The following KCNIP4 variants were observed in gnomAD, a reference collection of about 807,000 sequenced individuals.
KCNIP4 encodes the protein potassium voltage-gated channel interacting protein 4.
KCNIP4 carries 12 observed loss-of-function variants against 34.0 expected under a neutral mutation model. The ratio of observed to expected loss-of-function variants is 0.35; its 90% CI spans 0.23 to 0.57. KCNIP4 has a LOEUF of 0.57. Ranked by LOEUF, KCNIP4 falls within the 20% of genes least tolerant of loss-of-function variation. The pLI, the probability that KCNIP4 is intolerant of heterozygous loss-of-function variation, is 0.83. For missense variants in KCNIP4, 238 were observed against 311.7 expected (o/e 0.76, Z 1.78); for synonymous variants, 124 against 102.2 (o/e 1.21, Z -1.29).
At chr4:21,069,500 A>C (rs556578503) in intron 1 of KCNIP4, among the ~76,000 whole-genome samples, 1 of 152,200 alleles carries the variant, frequency 6.6e-6, no homozygotes, top group Non-Finnish European at 1.5e-5. Context: ...TCATGGGGCC[A>C]GTGTGTTGTC....
rs1577914122 is a variant in KCNIP4 at position 21,731,324 on chromosome 4, A to G, written c.61+217247T>C. 2.0e-5 allele frequency among the ~76,000 whole-genome samples: 3 copies of G among 152,166 alleles called. No individual in the cohort carries two copies. In the South Asian group the frequency reaches 6.2e-4, roughly 32 times the overall value. ...GAGAGAGAGTGAGAGAGCTATACAC[A>G]AACGATATAGCAGATTTCTCTCACA... is the stretch of plus-strand genomic sequence containing the variant. On this transcript the variant is annotated intron_variant, in intron 1 of 8. Transcript: ENST00000382152.
chr4:21,220,098 G>A (rs759804235), intron 1 of KCNIP4, among the ~76,000 whole-genome samples: 26 of 152,118 alleles, frequency 1.7e-4, no homozygotes, highest in Non-Finnish European at 2.6e-4. Flanking sequence ...CACTTATTCT[G>A]TTCTAATTTA....
chr4:20,768,124 C>G (rs1175593628), intron 3 of KCNIP4, among the ~76,000 whole-genome samples: 3 of 152,182 alleles, frequency 2.0e-5, no homozygotes, highest in Non-Finnish European at 4.4e-5. Flanking sequence ...CTTCTCTGCT[C>G]TCTTTAGAGT....
intron 1 of KCNIP4, among the ~76,000 whole-genome samples, chr4:21,264,896 G>C (rs756573198): frequency 6.6e-6 from 1 of 151,918 alleles, no homozygotes; most frequent in Non-Finnish European, 1.5e-5. Context: ...TCAGGTGTTC[G>C]AGACCAGCCT....
chr4:21,609,955 T>C lies in KCNIP4; in HGVS notation c.61+338616A>G, dbSNP rs115530441. Among the ~76,000 whole-genome samples the C allele has an allele frequency of 2.8e-3, 432 of 152,334 alleles. 3 individuals carry two copies. Among genetic ancestry groups the C allele is most frequent in the African/African-American group, 9.9e-3 (412 of 41,582 alleles). On this transcript the variant is annotated intron_variant, in intron 1 of 8. Transcript: ENST00000382152. ...ATTATCTCATTACTACTATTCCTCA[T>C]GCCACACCAGGAATATTCTTGTCAT...
chr4:21,577,739 G>A (rs1740855157), intron 1 of KCNIP4, among the ~76,000 whole-genome samples: 1 of 152,080 alleles, frequency 6.6e-6, no homozygotes, highest in Non-Finnish European at 1.5e-5. Flanking sequence ...GCTGCAGCTG[G>A]CATTCTTTGC....
intron 2 of KCNIP4, among the ~76,000 whole-genome samples, chr4:20,874,119 A>G (rs1723757430): frequency 1.3e-5 from 2 of 152,210 alleles, no homozygotes; most frequent in Non-Finnish European, 2.9e-5. Context: ...AACACTTTAC[A>G]TGCTCATTAA....
chr4:20,818,143 C>T (rs559293684), intron 3 of KCNIP4, among the ~76,000 whole-genome samples: 1 of 152,228 alleles, frequency 6.6e-6, no homozygotes, highest in South Asian at 2.1e-4. Context: ...CATGAGATAC[C>T]TTACCCACTC....
chr4:21,423,915 C>A (rs910999157), intron 1 of KCNIP4, among the ~76,000 whole-genome samples: 3 of 151,370 alleles, frequency 2.0e-5, no homozygotes, highest in East Asian at 2.0e-4. Flanking sequence ...TCAAGCGATT[C>A]TCCTGCCTCA....
intron 1 of KCNIP4, among the ~76,000 whole-genome samples, chr4:21,643,867 TGATGATAGATA>T (rs1301124030): frequency 0.019 from 2,496 of 128,514 alleles, 34 homozygotes; most frequent in South Asian, 0.034. Context: ...GTGATGATGA[TGATGATAGATA>T]GATAGATAGA....
chr4:21,356,889 A>T (rs1470413690), intron 1 of KCNIP4, among the ~76,000 whole-genome samples: 1 of 152,208 alleles, frequency 6.6e-6, no homozygotes, highest in Non-Finnish European at 1.5e-5. Flanking sequence ...ACAAAGCTGG[A>T]GGCATCACGC....
chr4:21,579,880 GT>G (rs1741076481), intron 1 of KCNIP4, among the ~76,000 whole-genome samples: 1 of 152,210 alleles, frequency 6.6e-6, no homozygotes, highest in South Asian at 2.1e-4. Context: ...TTGAAGAGTA[GT>G]TTTTTAGCTG....
intron 1 of KCNIP4, among the ~76,000 whole-genome samples, chr4:21,693,101 A>C (rs1711860595): frequency 1.1e-5 from 1 of 94,098 alleles, no homozygotes; most frequent in Non-Finnish European, 2.4e-5. Context: ...GCTTAGGATC[A>C]CCTCTTCCAG....
At chr4:21,368,426 T>G (rs184366693) in intron 1 of KCNIP4, among the ~76,000 whole-genome samples, 2 of 147,544 alleles carry the variant, frequency 1.4e-5, no homozygotes, top group Non-Finnish European at 2.9e-5. Context: ...CCAAAATAGC[T>G]AAAATGTATG....
At chr4:20,782,615 G>C (rs1045360062) in intron 3 of KCNIP4, among the ~76,000 whole-genome samples, 1 of 151,998 alleles carries the variant, frequency 6.6e-6, no homozygotes, top group African/African-American at 2.4e-5. Flanking sequence ...GGAGCAGCTG[G>C]GATGCAGGGC....
intron 1 of KCNIP4, among the ~76,000 whole-genome samples, chr4:21,323,785 T>C (rs1258158030): frequency 6.6e-6 from 1 of 152,022 alleles, no homozygotes. Flanking sequence ...GTGGAATTTA[T>C]GGATCAAATG....
chr4:21,828,762 T>G (rs1722814001), intron 1 of KCNIP4, among the ~76,000 whole-genome samples: 1 of 151,992 alleles, frequency 6.6e-6, no homozygotes, highest in Non-Finnish European at 1.5e-5. Flanking sequence ...TATATTCAAT[T>G]TTATTGTTGA....
chr4:20,730,285 T>G lies in KCNIP4; in HGVS notation c.706-156A>C, dbSNP rs1051982073. Among the ~76,000 whole-genome samples, 6 of 152,378 alleles carry G rather than the reference T, an allele frequency of 3.9e-5. No homozygotes were observed. The East Asian group carries it at 7.7e-4, about 20-fold the overall frequency. On this transcript the variant is annotated intron_variant, in intron 8 of 8. Transcript: ENST00000382152. ...GTTTGCAAATGTAAATGCCATTCTA[T>G]TCTATCCATTTTCCACATAGATGAC...
Position 20,798,546 on chromosome 4 carries a change from CAA to C in KCNIP4, c.289-39658_289-39657del, listed in dbSNP as rs1560472471. Among the ~76,000 whole-genome samples, 228 of 151,774 alleles carry C rather than the reference CAA, an allele frequency of 1.5e-3. 1 individual carries two copies. The highest frequency in any genetic ancestry group is 4.5e-3 in the African/African-American group (187 of 41,430). On this transcript the variant is annotated intron_variant, in intron 3 of 8. Coordinates refer to ENST00000382152, the MANE Select transcript of KCNIP4 (RefSeq NM_025221.6). The stretch of plus-strand genomic sequence containing the variant: ...ACATACACACACACACACAGACACA[CAA>C]AAAAGCTATGAATAATCAAGTACTT...
Sources: allele counts gnomAD v4.1 joint callset (sites outside exome capture counted in the v4.1 genomes callset), GRCh38; gene constraint gnomAD v4.1.1; transcripts MANE v1.5; gene names NCBI Gene and HGNC (gene_info 2026-07-23, HGNC 2026-07-21).